The following EEA1 variants were observed in gnomAD, a reference collection of about 807,000 sequenced individuals.
EEA1 encodes the protein early endosome antigen 1, 162kD.
Under a neutral mutation model 209.2 loss-of-function variants are expected in EEA1, and 111 were observed. The observed-to-expected ratio is 0.53, with a 90% CI of 0.45 to 0.62. The LOEUF (loss-of-function observed/expected upper bound fraction) is 0.62, where lower values mean the gene tolerates loss of function less well. Ranked by LOEUF, EEA1 falls within the 20% of genes least tolerant of loss-of-function variation. The pLI, the probability that EEA1 is intolerant of heterozygous loss-of-function variation, is 0.00. For missense variants in EEA1, 1,343 were observed against 1,530.8 expected (o/e 0.88, Z 2.05); for synonymous variants, 536 against 540.6 (o/e 0.99, Z 0.12).
intron 1 of EEA1, among the ~76,000 whole-genome samples, chr12:92,904,765 T>C (rs916688446): frequency 6.6e-6 from 1 of 152,172 alleles, no homozygotes; most frequent in East Asian, 1.9e-4. Flanking sequence ...GATGAAACAG[T>C]ATGTAAGGGA....
intron 18 of EEA1, among the ~76,000 whole-genome samples, chr12:92,807,373 A>C (rs1875265008): frequency 6.6e-6 from 1 of 152,176 alleles, no homozygotes; most frequent in African/African-American, 2.4e-5. Flanking sequence ...TTTCCTGCCT[A>C]AGATTAGAAA....
intron 13 of EEA1, among the ~76,000 whole-genome samples, chr12:92,820,011 G>A (rs542666351): frequency 5.3e-5 from 8 of 151,948 alleles, no homozygotes; most frequent in Non-Finnish European, 7.4e-5. Flanking sequence ...CCCTATCTTG[G>A]TTATCATTTT....
chr12:92,865,701 T>G (rs1878351848), intron 2 of EEA1, among the ~76,000 whole-genome samples: 1 of 151,238 alleles, frequency 6.6e-6, no homozygotes, highest in South Asian at 2.1e-4. Flanking sequence ...CTTACTGGGT[T>G]GCAACTTTTA....
intron 1 of EEA1, among the ~76,000 whole-genome samples, chr12:92,893,569 T>A (rs1879748021): frequency 6.6e-6 from 1 of 152,094 alleles, no homozygotes; most frequent in Non-Finnish European, 1.5e-5. Context: ...AATGCTATAT[T>A]CATCAAAATG....
intron 3 of EEA1, chr12:92,858,729 T>G: frequency 1.3e-6 from 1 of 743,734 alleles, no homozygotes; most frequent in Non-Finnish European, 2.5e-6. Context: ...AGGTTCGTCT[T>G]GGTGAGATGA....
intron 7 of EEA1, 82 bp downstream of exon 7, chr12:92,852,830 T>C (rs1454369675): frequency 3.3e-6 from 3 of 909,636 alleles, no homozygotes; most frequent in African/African-American, 1.7e-5. Context: ...CACACTAAAA[T>C]ACTATATTTA....
intron 11 of EEA1, 40 bp from the exon 12 acceptor site, chr12:92,828,101 A>T: frequency 1.4e-6 from 2 of 1,417,450 alleles, no homozygotes; most frequent in Non-Finnish European, 1.9e-6. Flanking sequence ...CATATGTACA[A>T]ACACACACAC....
chr12:92,818,272 C>G (rs558908554), intron 14 of EEA1, among the ~76,000 whole-genome samples: 11 of 152,258 alleles, frequency 7.2e-5, no homozygotes, highest in African/African-American at 2.4e-4. Context: ...CAAGCGGTGC[C>G]ACAGTCTGGA....
In EEA1 at chr12:92,788,052, G is replaced by T; in HGVS notation, c.2968-3C>A. 1 of 1,580,132 alleles carries T rather than the reference G, an allele frequency of 6.3e-7. No homozygotes were observed. The highest frequency in any genetic ancestry group is 8.6e-7 in the Non-Finnish European group (1 of 1,166,670). ...TGTAGTTTATTCTCAAGCTCTGTCTGAAACATACAATAGTTATTTAAAACA... is the reference window on the plus strand; with the variant it reads ...TGTAGTTTATTCTCAAGCTCTGTCTTAAACATACAATAGTTATTTAAAACA... On this transcript the variant is annotated splice_polypyrimidine_tract_variant and splice_region_variant and intron_variant, in intron 21 of 28. Transcript: ENST00000322349.
At chr12:92,893,370 G>A (rs1426894574) in intron 1 of EEA1, among the ~76,000 whole-genome samples, 3 of 152,146 alleles carry the variant, frequency 2.0e-5, no homozygotes, top group Non-Finnish European at 4.4e-5. Flanking sequence ...AATGAAAGAA[G>A]GGATTTTAAT....
At chr12:92,796,334 T>C (rs550689822) in intron 21 of EEA1, among the ~76,000 whole-genome samples, 102 of 152,242 alleles carry the variant, frequency 6.7e-4, no homozygotes, top group Non-Finnish European at 1.3e-3. Flanking sequence ...TATAATGTTT[T>C]AAATCATCTT....
At chr12:92,910,475 AAAT>A (rs1880541932) in intron 1 of EEA1, among the ~76,000 whole-genome samples, 1 of 151,670 alleles carries the variant, frequency 6.6e-6, no homozygotes. Flanking sequence ...TCTCAAAAAA[AAAT>A]AAATAAATAA....
Position 92,929,210 on chromosome 12 carries a change from C to T in EEA1, c.-144G>A, listed in dbSNP as rs969568695. 7.7e-6 allele frequency: 5 copies of T among 649,002 alleles called. No homozygotes were observed. The highest frequency in any genetic ancestry group is 3.8e-5 in the Admixed American group (1 of 26,596). 40.2% of individuals were successfully genotyped at this position (649,002 alleles called of 1,614,324 possible). ...GGGCGAGGCGGTGGCGACGGCCGCT[C>T]GGGCGGCCCCGACTTCCCCACAGGC... On this transcript the variant is annotated 5_prime_UTR_variant, in exon 1 of 29. Transcript: ENST00000322349.
At chr12:92,823,242 C>T (rs1182237587) in intron 13 of EEA1, among the ~76,000 whole-genome samples, 1 of 152,184 alleles carries the variant, frequency 6.6e-6, no homozygotes. Context: ...ACCTTCAATA[C>T]CTTTCCATCT....
chr12:92,857,509 A>C, intron 3 of EEA1, 24 bp from the exon 4 acceptor site: 2 of 1,510,970 alleles, frequency 1.3e-6, no homozygotes, highest in Non-Finnish European at 1.8e-6. Flanking sequence ...GGAGGAAGGA[A>C]TTAATAGTCA....
chr12:92,872,878 G>A (rs906242930), intron 2 of EEA1, among the ~76,000 whole-genome samples: 3 of 152,126 alleles, frequency 2.0e-5, no homozygotes, highest in Non-Finnish European at 2.9e-5. Context: ...GCTTGAACCC[G>A]GGAGGGGGGA....
At chr12:92,842,189 C>G (rs1322097126) in intron 10 of EEA1, among the ~76,000 whole-genome samples, 1 of 151,788 alleles carries the variant, frequency 6.6e-6, no homozygotes, top group Non-Finnish European at 1.5e-5. Context: ...ATATGAGGCA[C>G]CTAGGGTAGT....
At chr12:92,864,405 G>T (rs953663200) in intron 3 of EEA1, among the ~76,000 whole-genome samples, 20 of 151,860 alleles carry the variant, frequency 1.3e-4, no homozygotes, top group Non-Finnish European at 2.4e-4. Context: ...TCTTAAAATG[G>T]CCAAGAAAAA....
rs942793188 is a variant in EEA1, at chr12:92,852,037, G to C, written c.642+138C>G. 5.3e-6 allele frequency: 3 copies of C among 564,128 alleles called. No individual in the cohort carries two copies. In the African/African-American group the frequency reaches 5.9e-5, roughly 11 times the overall value. The allele number at this position is 564,128 out of a possible 1,614,324, so 34.9% of individuals were successfully genotyped here. A position where few individuals can be genotyped will look rare whatever the true frequency, so the allele number is the denominator to read the frequency against. ...AAATCATATACAGAATATATATGCA[G>C]GTGGTAGAATATAGGGAATTGCTTA... is the stretch of plus-strand genomic sequence containing the variant. On this transcript the variant is annotated intron_variant, in intron 8 of 28. Transcript: ENST00000322349.
Sources: gnomAD v4.1 joint callset for allele counts (sites outside exome capture counted in the v4.1 genomes callset) on GRCh38, gnomAD v4.1.1 for gene constraint, MANE v1.5 for transcripts, NCBI Gene and HGNC (gene_info 2026-07-23, HGNC 2026-07-21) for gene names.